NRXN1: variants seen among roughly 807,000 people sequenced by gnomAD.
NRXN1 encodes neurexin-1.
NRXN1 carries 39 observed loss-of-function variants against 150.9 expected under a neutral mutation model. The observed-to-expected ratio is 0.26, with a 90% CI of 0.20 to 0.34. The LOEUF (loss-of-function observed/expected upper bound fraction) is 0.34. Among genes scored for constraint, NRXN1 ranks in the 10% least tolerant of loss-of-function variants. The pLI, the probability that NRXN1 is intolerant of heterozygous loss-of-function variation, is 1.00. For synonymous variants in NRXN1, 924 were observed against 757.0 expected, an observed-to-expected ratio of 1.22 and a Z score of -3.62; for missense variants, 1,815 against 1,949.9, an observed-to-expected ratio of 0.93 and a Z score of 1.30.
At chr2:50,718,072 C>G (rs1450921512) in intron 5 of NRXN1, among the ~76,000 whole-genome samples, 1 of 152,090 alleles carries the variant, frequency 6.6e-6, no homozygotes, top group Non-Finnish European at 1.5e-5. Flanking sequence ...ATTTTTAATT[C>G]CTGGTGTCCA....
intron 21 of NRXN1, among the ~76,000 whole-genome samples, chr2:50,009,679 C>T (rs1458594395): frequency 6.6e-6 from 1 of 152,100 alleles, no homozygotes; most frequent in East Asian, 1.9e-4. Context: ...ATATCCAATT[C>T]AAGAAAATTA....
chr2:50,701,740 GC>G (rs1275042372), intron 5 of NRXN1, among the ~76,000 whole-genome samples: 1 of 152,100 alleles, frequency 6.6e-6, no homozygotes, highest in Admixed American at 6.5e-5. Flanking sequence ...TAAGTTGTAA[GC>G]CCTTTAAGGA....
chr2:49,952,951 C>T (rs1396470838), intron 21 of NRXN1, among the ~76,000 whole-genome samples: 2 of 152,106 alleles, frequency 1.3e-5, no homozygotes, highest in Non-Finnish European at 2.9e-5. Context: ...ACAATTTAAA[C>T]ATGTATTGAT....
At chr2:50,655,535 T>C (rs1163202980) in intron 5 of NRXN1, among the ~76,000 whole-genome samples, 1 of 152,010 alleles carries the variant, frequency 6.6e-6, no homozygotes, top group Non-Finnish European at 1.5e-5. Flanking sequence ...GAACCGAAAG[T>C]TTTTGTTAAT....
At chr2:50,841,063 T>C (rs1367635197) in intron 5 of NRXN1, 1 of 152,606 alleles carries the variant, frequency 6.6e-6, no homozygotes, top group Non-Finnish European at 1.5e-5. Flanking sequence ...CTACATACCA[T>C]GTTAATGTAG....
intron 2 of NRXN1, among the ~76,000 whole-genome samples, chr2:50,969,972 A>G (rs1248523844): frequency 6.6e-6 from 1 of 152,148 alleles, no homozygotes; most frequent in Admixed American, 6.6e-5. Flanking sequence ...ATGCTGATAT[A>G]CTGAGTGGGG....
At chr2:50,002,303 C>T (rs573097814) in intron 21 of NRXN1, among the ~76,000 whole-genome samples, 59 of 152,184 alleles carry the variant, frequency 3.9e-4, no homozygotes, top group Non-Finnish European at 6.8e-4. Flanking sequence ...AGGGAGGAAA[C>T]GAAAAAGCTT....
intron 21 of NRXN1, among the ~76,000 whole-genome samples, chr2:49,976,330 C>T (rs1274864148): frequency 6.6e-6 from 1 of 151,782 alleles, no homozygotes; most frequent in Non-Finnish European, 1.5e-5. Context: ...CCACCCTGCC[C>T]GACCTACAGG....
At chr2:50,506,791 T>G in intron 12 of NRXN1, 174 bp from the exon 13 acceptor site, 1 of 642,152 alleles carries the variant, frequency 1.6e-6, no homozygotes, top group Non-Finnish European at 2.6e-6. Flanking sequence ...AGAGGCGGGC[T>G]GGACCAATTT....
At chr2:50,353,785 T>G (rs1355508114) in intron 17 of NRXN1, among the ~76,000 whole-genome samples, 1 of 152,160 alleles carries the variant, frequency 6.6e-6, no homozygotes, top group Non-Finnish European at 1.5e-5. Flanking sequence ...GCTCAGCCAC[T>G]TCTTAATTTA....
chr2:50,839,703 A>G (rs1022320909), intron 5 of NRXN1, among the ~76,000 whole-genome samples: 8 of 152,174 alleles, frequency 5.3e-5, no homozygotes, highest in African/African-American at 1.9e-4. Flanking sequence ...TATGCTGAGT[A>G]TAGGATAATA....
At chr2:50,221,253 G>A (rs1185188072) in intron 18 of NRXN1, among the ~76,000 whole-genome samples, 1 of 151,912 alleles carries the variant, frequency 6.6e-6, no homozygotes. Flanking sequence ...TGAAATCTGG[G>A]ATTATTAGAG....
At chr2:50,584,996 T>G (rs1573652204) in intron 8 of NRXN1, among the ~76,000 whole-genome samples, 2 of 152,294 alleles carry the variant, frequency 1.3e-5, no homozygotes, top group African/African-American at 4.8e-5. Context: ...ACTTGAGTCG[T>G]GCACACAAAG....
At chr2:50,993,899 C>A (rs1166078794) in intron 2 of NRXN1, among the ~76,000 whole-genome samples, 3 of 151,942 alleles carry the variant, frequency 2.0e-5, no homozygotes, top group Non-Finnish European at 2.9e-5. Flanking sequence ...AATTTATGTT[C>A]TTTAACCGGC....
rs536717722 is a variant in NRXN1, at chr2:50,384,281, C to T, written c.3364+81161G>A. On this transcript the variant is annotated intron_variant, in intron 17 of 22. Transcript: ENST00000401669. ...CAGCACTTTGGGAGGCTGAGGCAGG[C>T]GGATCACGAGGTCAGGAGATTGAGA... is the stretch of plus-strand genomic sequence containing the variant. Among the ~76,000 whole-genome samples, 16 of 152,004 alleles carry T rather than the reference C, an allele frequency of 1.1e-4. No homozygotes were observed. The East Asian group carries it at 2.3e-3, about 22-fold the overall frequency.
intron 18 of NRXN1, among the ~76,000 whole-genome samples, chr2:50,139,655 C>T (rs1227234853): frequency 1.3e-5 from 2 of 152,028 alleles, no homozygotes; most frequent in East Asian, 1.9e-4. Context: ...GTTTAATAAC[C>T]TCATATATTT....
intron 18 of NRXN1, among the ~76,000 whole-genome samples, chr2:50,095,764 CT>C (rs5831084): frequency 0.64 from 93,000 of 146,078 alleles, 30,083 homozygotes; most frequent in African/African-American, 0.71. Flanking sequence ...GAACATCCGA[CT>C]TTTTTTTTTT....
intron 18 of NRXN1, among the ~76,000 whole-genome samples, chr2:50,170,473 T>C (rs1251739201): frequency 6.6e-6 from 1 of 152,002 alleles, no homozygotes; most frequent in Non-Finnish European, 1.5e-5. Context: ...TTTTTTGCAG[T>C]TTTACTAGAG....
Position 50,356,561 on chromosome 2 carries a change from G to A in NRXN1, c.3364+108881C>T, listed in dbSNP as rs1431754707. 5.3e-5 allele frequency among the ~76,000 whole-genome samples: 8 copies of A among 152,082 alleles called. No individual in the cohort carries two copies. The South Asian group carries it at 6.2e-4, about 12-fold the overall frequency. On this transcript the variant is annotated intron_variant, in intron 17 of 22. Coordinates refer to ENST00000401669, the MANE Select transcript of NRXN1 (RefSeq NM_001330078.2). ...GTTCTATTGCTGAGATGATTCCCCC[G>A]GAGAACTGTGTGTTTATCTTGACAG...
Sources: gnomAD v4.1 joint callset for allele counts (sites outside exome capture counted in the v4.1 genomes callset) on GRCh38, gnomAD v4.1.1 for gene constraint, MANE v1.5 for transcripts, NCBI Gene and HGNC (gene_info 2026-07-23, HGNC 2026-07-21) for gene names.